The following SFXN5 variants were observed in gnomAD, a reference collection of about 807,000 sequenced individuals.
SFXN5 encodes sideroflexin-5.
In SFXN5, 43 loss-of-function variants were observed where a neutral mutation model predicts 50.2. The observed-to-expected ratio is 0.86, with a 90% CI of 0.67 to 1.11. The LOEUF (loss-of-function observed/expected upper bound fraction) is 1.11, where lower values mean the gene tolerates loss of function less well. SFXN5 is among the 50% of genes least tolerant of loss of function. SFXN5 has a pLI of 0.00. For synonymous variants in SFXN5, 203 were observed against 185.8 expected, an observed-to-expected ratio of 1.09 and a Z score of -0.75; for missense variants, 463 against 454.1, an observed-to-expected ratio of 1.02 and a Z score of -0.18.
At chr2:72,966,164 C>A (rs1364874191) in intron 12 of SFXN5, among the ~76,000 whole-genome samples, 2 of 152,208 alleles carry the variant, frequency 1.3e-5, no homozygotes, top group African/African-American at 4.8e-5. Context: ...AGCCATGGGG[C>A]ACCAGCTTGC....
At chr2:72,996,911 G>A (rs1673320528) in intron 9 of SFXN5, 1 of 152,210 alleles carries the variant, frequency 6.6e-6, no homozygotes, top group African/African-American at 2.4e-5. Context: ...AAGCTAAGCA[G>A]ACCATCAGCT....
At chr2:73,020,203 T>G (rs1455310236) in intron 6 of SFXN5, 36 bp downstream of exon 6, 2 of 1,601,144 alleles carry the variant, frequency 1.2e-6, no homozygotes, top group Non-Finnish European at 1.7e-6. Flanking sequence ...TAAAATAATT[T>G]TTTAGAAAAG....
intron 12 of SFXN5, among the ~76,000 whole-genome samples, chr2:72,963,032 G>T (rs995985295): frequency 2.0e-5 from 3 of 152,050 alleles, no homozygotes; most frequent in African/African-American, 7.2e-5. Context: ...TGGGAGTAAG[G>T]CTGAGAGGGC....
At chr2:73,004,753 AG>A (rs1674398872) in intron 6 of SFXN5, among the ~76,000 whole-genome samples, 1 of 152,216 alleles carries the variant, frequency 6.6e-6, no homozygotes, top group South Asian at 2.1e-4. Flanking sequence ...CCTGCCCTCC[AG>A]GTCCTTACAG....
intron 2 of SFXN5, chr2:73,049,551 G>C (rs1483391225): frequency 1.3e-5 from 2 of 152,110 alleles, no homozygotes; most frequent in Non-Finnish European, 2.9e-5. Context: ...CACCATACCC[G>C]GCCAGGCCTC....
At chr2:73,035,052 CAA>C in intron 3 of SFXN5, among the ~76,000 whole-genome samples, 1 of 152,220 alleles carries the variant, frequency 6.6e-6, no homozygotes, top group Admixed American at 6.5e-5. Flanking sequence ...GAAAATAATG[CAA>C]CCTCTCTGAG....
At position 72,945,172 on chromosome 2, in the gene SFXN5, A is replaced by G; in HGVS notation, c.946-73T>C. The stretch of plus-strand genomic sequence containing the variant: ...AATAGTGGGGCTGGGAGCTGCAGTG[A>G]GGACCACCCTGGGCCCCAGAGCTCT... On this transcript the variant is annotated intron_variant, in intron 13 of 13. Coordinates refer to ENST00000272433, the MANE Select transcript of SFXN5 (RefSeq NM_144579.3). This position sits in a 1 kb window ranked among gnomAD's most constrained non-coding sequence, Gnocchi z 5.8. 2.1e-6 allele frequency: 3 copies of G among 1,417,434 alleles called. No homozygotes were observed. The highest frequency in any genetic ancestry group is 3.0e-6 in the Non-Finnish European group (3 of 1,014,880). 87.8% of individuals were successfully genotyped at this position (1,417,434 alleles called of 1,614,324 possible).
At chr2:73,014,367 CT>C (rs1316117678) in intron 6 of SFXN5, among the ~76,000 whole-genome samples, 4 of 152,152 alleles carry the variant, frequency 2.6e-5, no homozygotes, top group Admixed American at 2.6e-4. Flanking sequence ...TTAGTCAAAT[CT>C]TAAATTTCCA....
intron 5 of SFXN5, 90 bp downstream of exon 5, chr2:73,022,432 C>A: frequency 1.0e-6 from 1 of 993,080 alleles, no homozygotes; most frequent in East Asian, 2.4e-5. Flanking sequence ...TCTGTCCCCT[C>A]CTTAGGCCAG....
chr2:73,060,116 T>C (rs1363615557), intron 1 of SFXN5, among the ~76,000 whole-genome samples: 1 of 152,052 alleles, frequency 6.6e-6, no homozygotes, highest in African/African-American at 2.4e-5. Flanking sequence ...AAAGACCAAA[T>C]GACATCCAGA....
At chr2:73,055,298 T>C (rs1681940290) in intron 2 of SFXN5, among the ~76,000 whole-genome samples, 1 of 152,234 alleles carries the variant, frequency 6.6e-6, no homozygotes, top group African/African-American at 2.4e-5. Context: ...AGAATAAGGG[T>C]CTGGAGACAA....
At chr2:73,053,443 T>G (rs1023270820) in intron 2 of SFXN5, 1 of 154,076 alleles carries the variant, frequency 6.5e-6, no homozygotes, top group Non-Finnish European at 1.5e-5. Flanking sequence ...TTCCCTCTCC[T>G]TTCTCCATTT....
Position 73,058,605 on chromosome 2 carries a change from G to C in SFXN5, c.103-9C>G, listed in dbSNP as rs772628086. 2 of 1,613,584 alleles carry C rather than the reference G, an allele frequency of 1.2e-6. No individual in the cohort carries two copies. The highest frequency in any genetic ancestry group is 2.7e-5 in the African/African-American group (2 of 75,040). On this transcript the variant is annotated splice_polypyrimidine_tract_variant and intron_variant, in intron 1 of 13. Transcript: ENST00000272433. The stretch of plus-strand genomic sequence containing the variant: ...CGGCCATAGAAGGACGTCTGAAGAA[G>C]AGGATGAGAGAGAAGAGTGAATGGA...
chr2:73,022,833 A>G (rs1677072180), intron 4 of SFXN5, among the ~76,000 whole-genome samples: 1 of 152,226 alleles, frequency 6.6e-6, no homozygotes, highest in Admixed American at 6.5e-5. Context: ...CTTACCCTAA[A>G]AGCTGAATGC....
chr2:73,040,551 A>C (rs1481846201), intron 3 of SFXN5, among the ~76,000 whole-genome samples: 1 of 152,188 alleles, frequency 6.6e-6, no homozygotes, highest in Non-Finnish European at 1.5e-5. Context: ...CCACTGTGTC[A>C]TCCCTGATCG....
intron 12 of SFXN5, among the ~76,000 whole-genome samples, chr2:72,967,536 C>T (rs1674571302): frequency 6.6e-6 from 1 of 152,140 alleles, no homozygotes; most frequent in African/African-American, 2.4e-5. Context: ...ATAAATGTCG[C>T]TTGTTATTAT....
Position 73,005,400 on chromosome 2 carries a change from G to A in SFXN5, c.358-3822C>T, listed in dbSNP as rs1674507418. Among the ~76,000 whole-genome samples, 3 of 152,292 alleles carry A rather than the reference G, an allele frequency of 2.0e-5. 1 individual carries two copies. The highest frequency in any genetic ancestry group is 3.4e-3 in the Middle Eastern group (1 of 294). ...GCTCAGGCTCTGGTTGTCAAATGCTGGTGCCAGCATTTACCAGCTATGTGA... is the reference window on the plus strand; with the variant it reads ...GCTCAGGCTCTGGTTGTCAAATGCTAGTGCCAGCATTTACCAGCTATGTGA... On this transcript the variant is annotated intron_variant, in intron 6 of 13. Coordinates refer to ENST00000272433, the MANE Select transcript of SFXN5 (RefSeq NM_144579.3).
rs2105342447 is a variant in SFXN5 at position 72,953,596 on chromosome 2, C to A, written c.945+7535G>T. ...TCTCTGCCACAGGGACACCTTGTGT[C>A]ATGGAAGGGAGAAAGGTCTACTGTC... On this transcript the variant is annotated intron_variant, in intron 13 of 13. Transcript: ENST00000272433. This position sits in a 1 kb window ranked among gnomAD's most constrained non-coding sequence, Gnocchi z 4.1. Among the ~76,000 whole-genome samples the A allele has an allele frequency of 6.6e-6, 1 of 152,222 alleles. No individual in the cohort carries two copies. Among genetic ancestry groups the A allele is most frequent in the East Asian group, 1.9e-4 (1 of 5,168 alleles).
At chr2:72,978,111 AT>A (rs575715450) in intron 10 of SFXN5, among the ~76,000 whole-genome samples, 2 of 150,610 alleles carry the variant, frequency 1.3e-5, no homozygotes, top group Middle Eastern at 3.2e-3. Context: ...TCTATCTAGA[AT>A]TTTTTTTTGT....
Sources: gnomAD v4.1 joint callset for allele counts (sites outside exome capture counted in the v4.1 genomes callset) on GRCh38, gnomAD v4.1.1 for gene constraint, Gnocchi (gnomAD v3.1) non-coding constraint, MANE v1.5 for transcripts, NCBI Gene and HGNC (gene_info 2026-07-23, HGNC 2026-07-21) for gene names.